ROBO2: variants seen among roughly 807,000 people sequenced by gnomAD.
ROBO2 encodes the protein roundabout homolog 2.
ROBO2 carries 53 observed loss-of-function variants against 160.8 expected under a neutral mutation model. That is an observed-to-expected ratio of 0.33 (90% CI 0.26 to 0.41). ROBO2 has a LOEUF of 0.41. ROBO2 is among the 10% of genes least tolerant of loss of function. The probability of loss-of-function intolerance (pLI) is 1.00; values close to 1 mark genes in which losing one functional copy is unlikely to be tolerated. For synonymous variants in ROBO2, 664 were observed against 611.7 expected, an observed-to-expected ratio of 1.09 and a Z score of -1.26; for missense variants, 1,577 against 1,722.4, an observed-to-expected ratio of 0.92 and a Z score of 1.49.
At chr3:76,216,114 A>G (rs1425356607) in intron 2 of ROBO2, among the ~76,000 whole-genome samples, 1 of 152,200 alleles carries the variant, frequency 6.6e-6, no homozygotes, top group Non-Finnish European at 1.5e-5. Context: ...AAATGCTGAG[A>G]GATTGTGTCA....
chr3:76,486,401 G>A (rs1016660700), intron 2 of ROBO2, among the ~76,000 whole-genome samples: 17 of 152,202 alleles, frequency 1.1e-4, no homozygotes, highest in Middle Eastern at 3.4e-3. Context: ...TTCATCTGTC[G>A]TATGTACAAC....
At chr3:76,008,494 T>A (rs2066095466) in intron 2 of ROBO2, among the ~76,000 whole-genome samples, 1 of 152,062 alleles carries the variant, frequency 6.6e-6, no homozygotes, top group Admixed American at 6.5e-5. Context: ...AAAAAGAAAA[T>A]CAGACTTTTA....
At chr3:76,316,013 TA>T (rs2071990872) in intron 2 of ROBO2, among the ~76,000 whole-genome samples, 1 of 152,150 alleles carries the variant, frequency 6.6e-6, no homozygotes, top group South Asian at 2.1e-4. Context: ...AGCAAGTTTT[TA>T]TTAGGGATTT....
intron 2 of ROBO2, among the ~76,000 whole-genome samples, chr3:76,202,189 T>C (rs1282380555): frequency 6.6e-6 from 1 of 152,208 alleles, no homozygotes; most frequent in Non-Finnish European, 1.5e-5. Context: ...CACTTGGCAA[T>C]GTTCTGTCTC....
At chr3:76,282,179 T>A (rs1483411564) in intron 2 of ROBO2, among the ~76,000 whole-genome samples, 5 of 152,000 alleles carry the variant, frequency 3.3e-5, no homozygotes, top group Non-Finnish European at 5.9e-5. Flanking sequence ...TATAGTTGGA[T>A]TTCCAACTGT....
chr3:77,224,799 G>T (rs1000177247), intron 2 of ROBO2, among the ~76,000 whole-genome samples: 19 of 151,802 alleles, frequency 1.3e-4, no homozygotes, highest in African/African-American at 4.3e-4. Flanking sequence ...GAATTTCAAA[G>T]CTACACAGAT....
intron 2 of ROBO2, among the ~76,000 whole-genome samples, chr3:75,969,587 T>C (rs2064931013): frequency 6.6e-6 from 1 of 151,626 alleles, no homozygotes. Flanking sequence ...CTCTTTTTTA[T>C]ATAATAACCA....
At chr3:77,327,131 A>G (rs917667600) in intron 2 of ROBO2, among the ~76,000 whole-genome samples, 17 of 152,218 alleles carry the variant, frequency 1.1e-4, no homozygotes, top group Admixed American at 7.9e-4. Flanking sequence ...GTTGTTCTAT[A>G]TAAAATTTGG....
intron 24 of ROBO2, among the ~76,000 whole-genome samples, chr3:77,642,313 CT>C (rs2095361059): frequency 6.6e-6 from 1 of 152,082 alleles, no homozygotes. Flanking sequence ...TTCTAGTGAT[CT>C]TATTTTGTGT....
intron 6 of ROBO2, among the ~76,000 whole-genome samples, chr3:77,541,822 CAG>C (rs2092475092): frequency 6.6e-6 from 1 of 152,214 alleles, no homozygotes; most frequent in African/African-American, 2.4e-5. Flanking sequence ...TCTTCTGTCT[CAG>C]AGACATATAG....
Position 77,406,130 on chromosome 3 carries a change from T to C in ROBO2, c.389-71284T>C, listed in dbSNP as rs985548594. Reference sequence around the variant, plus strand: ...GTGAAGGGAAAGCAAGGCACAGCCTTACATGGCTGCAGGCAAGAGAGGAAG... The same window carrying C: ...GTGAAGGGAAAGCAAGGCACAGCCTCACATGGCTGCAGGCAAGAGAGGAAG... On this transcript the variant is annotated intron_variant, in intron 2 of 25. Coordinates refer to ENST00000461745, the Ensembl canonical transcript of ROBO2. Among the ~76,000 whole-genome samples the C allele has an allele frequency of 2.6e-5, 4 of 152,136 alleles. No individual in the cohort carries two copies. The East Asian group carries it at 7.7e-4, about 29-fold the overall frequency.
rs112959479 is a variant in ROBO2 at position 77,090,590 on chromosome 3, G to A, written c.62-7424G>A. On this transcript the variant is annotated intron_variant, in intron 1 of 25. Coordinates refer to ENST00000461745, the Ensembl canonical transcript of ROBO2. ...AGGATGGTCTCGATCTCCTGACCTC[G>A]TGATCTGCCCGCCTCGGCCTCCCAA... Among the ~76,000 whole-genome samples the A allele has an allele frequency of 5.9e-3, 899 of 151,840 alleles. 11 individuals are homozygous for A. The highest frequency in any genetic ancestry group is 0.02 in the African/African-American group (829 of 41,434).
intron 2 of ROBO2, among the ~76,000 whole-genome samples, chr3:75,966,268 C>CA (rs1949109507): frequency 1.6e-5 from 1 of 62,842 alleles, no homozygotes; most frequent in Non-Finnish European, 4.7e-5. Context: ...GCCTAAATAA[C>CA]GTTTTTTTTT....
At chr3:76,768,299 A>G (rs1376357642) in intron 2 of ROBO2, among the ~76,000 whole-genome samples, 1 of 151,440 alleles carries the variant, frequency 6.6e-6, no homozygotes, top group Non-Finnish European at 1.5e-5. Flanking sequence ...TGCGGAAGAC[A>G]GTTTAGAATA....
At chr3:76,539,413 T>C (rs2082697421) in intron 2 of ROBO2, among the ~76,000 whole-genome samples, 1 of 151,728 alleles carries the variant, frequency 6.6e-6, no homozygotes, top group African/African-American at 2.4e-5. Context: ...TTCTGCATTG[T>C]GTTTCATGCA....
chr3:76,466,192 C>T (rs2078354018), intron 2 of ROBO2, among the ~76,000 whole-genome samples: 1 of 151,820 alleles, frequency 6.6e-6, no homozygotes, highest in Admixed American at 6.6e-5. Context: ...CATATGATAT[C>T]ACTCATCTTT....
intron 2 of ROBO2, among the ~76,000 whole-genome samples, chr3:77,313,794 C>T (rs992676664): frequency 6.6e-5 from 10 of 152,098 alleles, no homozygotes; most frequent in Admixed American, 1.3e-4. Context: ...ACATTGATCA[C>T]GCTGGTCTCG....
intron 2 of ROBO2, among the ~76,000 whole-genome samples, chr3:76,894,577 T>A (rs984824094): frequency 7.2e-5 from 11 of 152,126 alleles, no homozygotes; most frequent in African/African-American, 2.7e-4. Context: ...AGTATTGCCA[T>A]ATAAAAAGAT....
chr3:76,771,377 C>T (rs1226620881), intron 2 of ROBO2, among the ~76,000 whole-genome samples: 1 of 151,268 alleles, frequency 6.6e-6, no homozygotes, highest in Non-Finnish European at 1.5e-5. Context: ...CTTAAAATTA[C>T]ATATGTGACT....
Sources: allele counts gnomAD v4.1 joint callset (sites outside exome capture counted in the v4.1 genomes callset), GRCh38; gene constraint gnomAD v4.1.1; transcripts MANE v1.5; gene names NCBI Gene and HGNC (gene_info 2026-07-23, HGNC 2026-07-21).